DCLRE1C: variants seen among roughly 807,000 people sequenced by gnomAD.
The protein encoded by DCLRE1C is DNA cross-link repair 1C.
Under a neutral mutation model 61.4 loss-of-function variants are expected in DCLRE1C, and 47 were observed. That is an observed-to-expected ratio of 0.77 (90% CI 0.61 to 0.98). The LOEUF is 0.98. DCLRE1C is among the 50% of genes least tolerant of loss of function. DCLRE1C has a pLI of 0.00. For synonymous variants in DCLRE1C, 337 were observed against 287.6 expected (o/e 1.17, Z -1.74); for missense variants, 858 against 816.0 (o/e 1.05, Z -0.63).
At chr10:14,947,819 G>A (rs1841915631) in intron 2 of DCLRE1C, among the ~76,000 whole-genome samples, 1 of 152,124 alleles carries the variant, frequency 6.6e-6, no homozygotes, top group African/African-American at 2.4e-5. Context: ...CAACACTTTG[G>A]GAGGCTGAGG....
intron 13 of DCLRE1C, 73 bp from the exon 14 acceptor site, chr10:14,909,403 T>A: frequency 7.2e-7 from 1 of 1,397,088 alleles, no homozygotes; most frequent in Non-Finnish European, 9.8e-7. Flanking sequence ...ATCTGTACTT[T>A]TAATTCTTGG....
At chr10:14,936,068 A>T (rs1484309942) in intron 5 of DCLRE1C, among the ~76,000 whole-genome samples, 1 of 151,924 alleles carries the variant, frequency 6.6e-6, no homozygotes, top group African/African-American at 2.4e-5. Context: ...TAATGTTTAT[A>T]CTTTTTGTAA....
chr10:14,908,368 G>GT lies in DCLRE1C; in HGVS notation c.*39dup, dbSNP rs771633656. ...AATATTGACTGTCATCTCTGTGCAG[G>GT]TTTTTTAGTGGTTGCTCTAGGTTGA... is the stretch of plus-strand genomic sequence containing the variant. On this transcript the variant is annotated 3_prime_UTR_variant, in exon 14 of 14. Coordinates refer to ENST00000378278, the MANE Select transcript of DCLRE1C (RefSeq NM_001033855.3). 1.4e-6 allele frequency: 2 copies of GT among 1,478,078 alleles called. No homozygotes were observed. Among genetic ancestry groups the GT allele is most frequent in the Admixed American group, 1.7e-5 (1 of 59,628 alleles). The allele number at this position is 1,478,078 out of a possible 1,614,324, so 91.6% of individuals were successfully genotyped here. A position where few individuals can be genotyped will look rare whatever the true frequency, so the allele number is the denominator to read the frequency against.
chr10:14,949,142 C>T, intron 1 of DCLRE1C, 55 bp from the exon 2 acceptor site: 1 of 1,253,286 alleles, frequency 8.0e-7, no homozygotes. Flanking sequence ...GATTCCTTAG[C>T]CCAAGGGAAA....
intron 1 of DCLRE1C, 111 bp from the exon 2 acceptor site, chr10:14,949,198 C>T (rs1842107375): frequency 6.6e-6 from 5 of 759,982 alleles, no homozygotes; most frequent in South Asian, 6.2e-5. Flanking sequence ...ATGAGGTTTG[C>T]TTTTATAAGA....
At position 14,911,937 on chromosome 10, in the gene DCLRE1C, G is replaced by A. The variant is rs905499135; in HGVS notation, c.1157-2607C>T. 2.6e-5 allele frequency among the ~76,000 whole-genome samples: 4 copies of A among 152,302 alleles called. No homozygotes were observed. The South Asian group carries it at 8.3e-4, about 32-fold the overall frequency. On this transcript the variant is annotated intron_variant, in intron 13 of 13. Coordinates refer to ENST00000378278, the MANE Select transcript of DCLRE1C (RefSeq NM_001033855.3). The stretch of plus-strand genomic sequence containing the variant: ...CTATACTAAAAAAGACGGAAGTGTT[G>A]GCTAATATGTGAAGGAACTGGAATC...
intron 2 of DCLRE1C, among the ~76,000 whole-genome samples, chr10:14,946,078 G>T (rs946444290): frequency 6.6e-6 from 1 of 151,046 alleles, no homozygotes; most frequent in Non-Finnish European, 1.5e-5. Context: ...CGCGATCTCG[G>T]CTCAAAGCAA....
chr10:14,923,961 A>G (rs993148380), intron 11 of DCLRE1C, among the ~76,000 whole-genome samples: 2 of 152,212 alleles, frequency 1.3e-5, no homozygotes, highest in African/African-American at 4.8e-5. Flanking sequence ...TGCAGCCAAC[A>G]CAGGGCAACC....
At chr10:14,918,645 GAAAA>G (rs921437952) in intron 13 of DCLRE1C, among the ~76,000 whole-genome samples, 3 of 142,842 alleles carry the variant, frequency 2.1e-5, no homozygotes, top group Admixed American at 2.1e-4. Flanking sequence ...AAAAAAAAAA[GAAAA>G]AAACCTTAGT....
chr10:14,936,114 G>T (rs1344119651), intron 5 of DCLRE1C, among the ~76,000 whole-genome samples: 1 of 152,032 alleles, frequency 6.6e-6, no homozygotes, highest in Admixed American at 6.6e-5. Context: ...GGCTGGTCTT[G>T]AATTCCTGGC....
chr10:14,936,655 C>A lies in DCLRE1C; in HGVS notation c.307-62G>T, dbSNP rs562910291. 2.6e-6 allele frequency: 3 copies of A among 1,146,314 alleles called. No homozygotes were observed. The South Asian group carries it at 3.8e-5, about 15-fold the overall frequency. The allele number at this position is 1,146,314 out of a possible 1,614,324, so 71.0% of individuals were successfully genotyped here. A position where few individuals can be genotyped will look rare whatever the true frequency, so the allele number is the denominator to read the frequency against. On this transcript the variant is annotated intron_variant, in intron 4 of 13. Coordinates refer to ENST00000378278, the MANE Select transcript of DCLRE1C (RefSeq NM_001033855.3). ...CAGTTATCATTAGGACCTAGCTCAA[C>A]AAAGCCCTCCTTCACAGAACACATT...
intron 3 of DCLRE1C, among the ~76,000 whole-genome samples, chr10:14,941,334 G>T (rs1840819504): frequency 6.6e-6 from 1 of 152,032 alleles, no homozygotes; most frequent in South Asian, 2.1e-4. Flanking sequence ...AGCCAGCCTG[G>T]AGTGCAGTGG....
chr10:14,907,537 A>C lies in DCLRE1C; in HGVS notation c.*871T>G, dbSNP rs975144158. On this transcript the variant is annotated 3_prime_UTR_variant, in exon 14 of 14. Coordinates refer to ENST00000378278, the MANE Select transcript of DCLRE1C (RefSeq NM_001033855.3). ...TAATCCCTAGCTGTAATTGTGCATT[A>C]GTTTGTCTCTTTTCAGCTGTTCTAG... 1.3e-5 allele frequency among the ~76,000 whole-genome samples: 2 copies of C among 152,036 alleles called. No individual in the cohort carries two copies. Among genetic ancestry groups the C allele is most frequent in the Non-Finnish European group, 2.9e-5 (2 of 67,992 alleles).
intron 13 of DCLRE1C, among the ~76,000 whole-genome samples, chr10:14,914,260 CTA>C (rs1835791637): frequency 6.6e-6 from 1 of 152,108 alleles, no homozygotes; most frequent in Non-Finnish European, 1.5e-5. Flanking sequence ...GATTGTAGAA[CTA>C]AGAATGTTAC....
At chr10:14,919,873 G>T in intron 12 of DCLRE1C, 41 bp from the exon 13 acceptor site, 2 of 1,505,698 alleles carry the variant, frequency 1.3e-6, no homozygotes, top group East Asian at 2.3e-5. Context: ...TTTTGAGGAA[G>T]TTGTTAGAAG....
intron 9 of DCLRE1C, among the ~76,000 whole-genome samples, 169 bp downstream of exon 9, chr10:14,932,685 G>A (rs1482150154): frequency 6.6e-6 from 1 of 152,068 alleles, no homozygotes; most frequent in Non-Finnish European, 1.5e-5. Flanking sequence ...CGAAAAGTGT[G>A]GTCATGGAAT....
At chr10:14,919,419 A>C (rs1379440849) in intron 13 of DCLRE1C, among the ~76,000 whole-genome samples, 1 of 151,896 alleles carries the variant, frequency 6.6e-6, no homozygotes, top group Non-Finnish European at 1.5e-5. Flanking sequence ...CTATGTCCTA[A>C]GAAAATGTTC....
rs757358445 is a variant in DCLRE1C, at chr10:14,923,107, C to A, written c.973-38G>T. 30 of 1,480,624 alleles carry A rather than the reference C, an allele frequency of 2.0e-5. No individual in the cohort carries two copies. In the East Asian group the frequency reaches 5.4e-4, roughly 27 times the overall value. The allele number at this position is 1,480,624 out of a possible 1,614,324, so 91.7% of individuals were successfully genotyped here. ...AAATCACATGGATCAACAATCTCTA[C>A]GATGAAACAGGTTGTTAGGGGAGAT... On this transcript the variant is annotated intron_variant, in intron 11 of 13. Coordinates refer to ENST00000378278, the MANE Select transcript of DCLRE1C (RefSeq NM_001033855.3).
chr10:14,944,575 T>C (rs1267204774), intron 3 of DCLRE1C, among the ~76,000 whole-genome samples: 1 of 151,774 alleles, frequency 6.6e-6, no homozygotes, highest in East Asian at 1.9e-4. Context: ...AACTGAGACC[T>C]AGATCTCACT....
Sources: allele counts gnomAD v4.1 joint callset (sites outside exome capture counted in the v4.1 genomes callset), GRCh38; gene constraint gnomAD v4.1.1; transcripts MANE v1.5; gene names NCBI Gene and HGNC (gene_info 2026-07-23, HGNC 2026-07-21).